USP24: variants seen among roughly 807,000 people sequenced by gnomAD.
The protein encoded by USP24 is ubiquitin carboxyl-terminal hydrolase 24.
In USP24, 97 loss-of-function variants were observed where a neutral mutation model predicts 361.6. The observed-to-expected ratio is 0.27, with a 90% CI of 0.23 to 0.32. The LOEUF (loss-of-function observed/expected upper bound fraction) is 0.32. Ranked by LOEUF, USP24 falls within the 10% of genes least tolerant of loss-of-function variation. The pLI, the probability that USP24 is intolerant of heterozygous loss-of-function variation, is 1.00. For synonymous variants in USP24, 1,098 were observed against 1,124.6 expected, an observed-to-expected ratio of 0.98 and a Z score of 0.47; for missense variants, 2,353 against 3,165.6, an observed-to-expected ratio of 0.74 and a Z score of 6.16.
intron 1 of USP24, among the ~76,000 whole-genome samples, chr1:55,197,498 A>T (rs1644451326): frequency 6.6e-6 from 1 of 152,234 alleles, no homozygotes; most frequent in Admixed American, 6.5e-5. Context: ...ATGAAATGAA[A>T]GAAAGGAAAC....
intron 1 of USP24, among the ~76,000 whole-genome samples, chr1:55,191,911 G>T (rs1644299864): frequency 6.6e-6 from 1 of 152,102 alleles, no homozygotes; most frequent in South Asian, 2.1e-4. Flanking sequence ...AGATTATTTT[G>T]ACAAAAATAC....
intron 40 of USP24, among the ~76,000 whole-genome samples, chr1:55,106,892 A>C (rs745047): frequency 0.044 from 6,637 of 152,290 alleles, 384 homozygotes; most frequent in African/African-American, 0.13. Flanking sequence ...CTGCCTCTTC[A>C]GATGAGAATC....
At chr1:55,078,469 C>A in intron 61 of USP24, 69 bp downstream of exon 61, 1 of 1,285,192 alleles carries the variant, frequency 7.8e-7, no homozygotes, top group Non-Finnish European at 1.1e-6. Context: ...TGCCTTGGAG[C>A]AAAAAGATGC....
In USP24 at chr1:55,067,986, T is replaced by G. The variant is rs1377253349; in HGVS notation, c.*1059A>C. Reference sequence around the variant, plus strand: ...ACTTTTCAGTGTTAATTAGTCATGTTGAGGAGAAACAAATTCTCAAATTCC... The same window carrying G: ...ACTTTTCAGTGTTAATTAGTCATGTGGAGGAGAAACAAATTCTCAAATTCC... On this transcript the variant is annotated 3_prime_UTR_variant, in exon 68 of 68. Coordinates refer to ENST00000294383, the MANE Select transcript of USP24 (RefSeq NM_015306.3). 1 of 152,238 alleles carries G rather than the reference T, an allele frequency of 6.6e-6. No individual in the cohort carries two copies. Among genetic ancestry groups the G allele is most frequent in the African/African-American group, 2.4e-5 (1 of 41,460 alleles). The allele number at this position is 152,238 out of a possible 1,614,324, so 9.4% of individuals were successfully genotyped here.
intron 56 of USP24, among the ~76,000 whole-genome samples, chr1:55,084,627 C>T (rs894967376): frequency 2.2e-4 from 34 of 152,116 alleles, no homozygotes; most frequent in African/African-American, 8.0e-4. Context: ...CTGTCACACC[C>T]ATTATAAATA....
chr1:55,191,811 C>T (rs1644296742), intron 1 of USP24, among the ~76,000 whole-genome samples: 1 of 151,958 alleles, frequency 6.6e-6, no homozygotes, highest in African/African-American at 2.4e-5. Flanking sequence ...ATTGTTGCAA[C>T]TGAAGTTTTT....
intron 44 of USP24, 57 bp from the exon 45 acceptor site, chr1:55,099,926 A>G: frequency 7.7e-7 from 1 of 1,296,460 alleles, no homozygotes; most frequent in Non-Finnish European, 1.1e-6. Context: ...TGAATGTGGT[A>G]GAAAGGGAAC....
chr1:55,133,911 G>T (rs1167437518), intron 30 of USP24, among the ~76,000 whole-genome samples, 159 bp downstream of exon 30: 2 of 152,124 alleles, frequency 1.3e-5, no homozygotes. Flanking sequence ...GGAATTACAG[G>T]CGTGAGCCAC....
intron 1 of USP24, among the ~76,000 whole-genome samples, chr1:55,212,453 C>T (rs1644868068): frequency 2.0e-5 from 3 of 152,092 alleles, no homozygotes; most frequent in Admixed American, 2.0e-4. Flanking sequence ...CCCTAAAAAG[C>T]CTACGTTAAC....
intron 43 of USP24, 99 bp downstream of exon 43, chr1:55,101,485 G>A: frequency 1.3e-6 from 2 of 1,491,280 alleles, no homozygotes; most frequent in East Asian, 2.5e-5. Flanking sequence ...GTTATGTCTT[G>A]TTTTAGGAAA....
intron 26 of USP24, 29 bp from the exon 27 acceptor site, chr1:55,137,933 G>C: frequency 1.3e-6 from 2 of 1,544,384 alleles, no homozygotes; most frequent in Non-Finnish European, 1.8e-6. Flanking sequence ...CACGTTGTGA[G>C]AGAATTCATT....
chr1:55,176,385 T>C lies in USP24; in HGVS notation c.549A>G (p.Ala183=). The C allele has an allele frequency of 6.4e-7, 1 of 1,569,390 alleles. No individual in the cohort carries two copies. The highest frequency in any genetic ancestry group is 8.7e-7 in the Non-Finnish European group (1 of 1,155,390). The change falls in exon 3 of 68, where the codon GCA becomes GCG. Residue 183 remains alanine (A), a synonymous_variant. Coordinates refer to ENST00000294383, the MANE Select transcript of USP24 (RefSeq NM_015306.3). ...RRFMDRCMPE[A]FKKLLTSSAV... is the part of the protein sequence containing the mutation. ...AGCACATTTTTCTTACCTTTTTAAA[T>C]GCTTCAGGCATACACCTGTCCATAA...
In USP24 at chr1:55,110,261, G is replaced by A; in HGVS notation, c.4509-15C>T. ...GAGATAACAGTCTAAAAAACAGAAAGGTTTCAGTTACTAATAAGAGGCTGA... is the reference window on the plus strand; with the variant it reads ...GAGATAACAGTCTAAAAAACAGAAAAGTTTCAGTTACTAATAAGAGGCTGA... On this transcript the variant is annotated splice_polypyrimidine_tract_variant and intron_variant, in intron 38 of 67. Transcript: ENST00000294383. The A allele has an allele frequency of 2.0e-6, 3 of 1,510,136 alleles. No homozygotes were observed. The highest frequency in any genetic ancestry group is 2.7e-6 in the Non-Finnish European group (3 of 1,127,864). 93.5% of individuals were successfully genotyped at this position (1,510,136 alleles called of 1,614,324 possible).
At chr1:55,074,025 C>T in intron 63 of USP24, 119 bp from the exon 64 acceptor site, 1 of 559,278 alleles carries the variant, frequency 1.8e-6, no homozygotes, top group Non-Finnish European at 2.8e-6. Flanking sequence ...AGATAAGGAA[C>T]AACTTAACTA....
intron 58 of USP24, among the ~76,000 whole-genome samples, 168 bp downstream of exon 58, chr1:55,083,104 T>C (rs1645184064): frequency 6.6e-6 from 1 of 152,204 alleles, no homozygotes; most frequent in African/African-American, 2.4e-5. Context: ...TTAGACTAAA[T>C]TGTATGAAGA....
At chr1:55,158,229 C>G (rs1430029333) in intron 10 of USP24, among the ~76,000 whole-genome samples, 1 of 152,222 alleles carries the variant, frequency 6.6e-6, no homozygotes, top group African/African-American at 2.4e-5. Context: ...CCTTTCTTGT[C>G]TGGCTAGTAA....
At chr1:55,083,703 C>G in intron 57 of USP24, 69 bp downstream of exon 57, 1 of 1,146,916 alleles carries the variant, frequency 8.7e-7, no homozygotes. Flanking sequence ...CTTTACTATC[C>G]AGTCTAAAAA....
At chr1:55,154,537 G>T (rs1647420347) in intron 13 of USP24, 71 bp from the exon 14 acceptor site, 3 of 1,510,406 alleles carry the variant, frequency 2.0e-6, no homozygotes, top group East Asian at 4.9e-5. Flanking sequence ...TTTTAAACTT[G>T]AGCTAAAAAC....
chr1:55,101,272 G>C (rs954874984), intron 43 of USP24, among the ~76,000 whole-genome samples: 6 of 152,142 alleles, frequency 3.9e-5, no homozygotes, highest in Admixed American at 2.0e-4. Context: ...AAGTGCTCAT[G>C]GTAGACCCTA....
Sources: allele counts gnomAD v4.1 joint callset (sites outside exome capture counted in the v4.1 genomes callset), GRCh38; gene constraint gnomAD v4.1.1; transcripts MANE v1.5; gene names NCBI Gene and HGNC (gene_info 2026-07-23, HGNC 2026-07-21).